SLC38A8: variants seen among roughly 807,000 people sequenced by gnomAD.
SLC38A8 encodes the protein amino acid transporter SLC38A8.
In SLC38A8, 65 loss-of-function variants were observed where a neutral mutation model predicts 46.0. The ratio of observed to expected loss-of-function variants is 1.41; its 90% confidence interval spans 1.16 to 1.74. The LOEUF is 1.74. SLC38A8 is among the 40% of genes most tolerant of loss of function. The probability of loss-of-function intolerance (pLI) is 0.00; values close to 1 mark genes in which losing one functional copy is unlikely to be tolerated. For missense variants in SLC38A8, 998 were observed against 567.9 expected (o/e 1.76, Z -7.70); for synonymous variants, 447 against 243.7 (o/e 1.83, Z -7.77).
rs764146926 is a variant in SLC38A8, at chr16:84,029,542, G to A, written c.642C>T (p.Ser214=). The A allele has an allele frequency of 2.5e-6, 4 of 1,614,166 alleles. No individual in the cohort carries two copies. Among genetic ancestry groups the A allele is most frequent in the Non-Finnish European group, 2.5e-6 (3 of 1,180,022 alleles). ...GGAAGACACTGAACACAGAGGTCCA[G>A]GAGGCAGGGCTGTAAACAGACAAGA... The part of the protein sequence containing the change: ...RESHPSLSPA[S]WTSVFSVFPT... Residue 214 remains serine (S), a synonymous_variant, in exon 6 of 11, where the codon TCC becomes TCT. Coordinates refer to ENST00000299709, the MANE Select transcript of SLC38A8 (RefSeq NM_001080442.3).
chr16:84,032,893 C>T (rs548410470), intron 4 of SLC38A8, among the ~76,000 whole-genome samples: 1 of 142,690 alleles, frequency 7.0e-6, no homozygotes, highest in East Asian at 2.3e-4. Context: ...GATGGGGGTG[C>T]ATGTGTGGGT....
intron 9 of SLC38A8, among the ~76,000 whole-genome samples, chr16:84,013,577 C>CCACCACGCCCCGCTCATTTTT (rs1567689306): frequency 6.6e-6 from 1 of 151,434 alleles, no homozygotes; most frequent in East Asian, 1.9e-4. Context: ...ACTACAGGTG[C>CCACCACGCCCCGCTCATTTTT]GTGCCACCAC....
At chr16:84,032,313 C>A (rs771952399) in intron 4 of SLC38A8, among the ~76,000 whole-genome samples, 2 of 152,156 alleles carry the variant, frequency 1.3e-5, no homozygotes, top group African/African-American at 2.4e-5. Flanking sequence ...CTCAGCCTCC[C>A]GAATAGCTGG....
At chr16:84,015,857 C>T (rs1453756739) in intron 9 of SLC38A8, among the ~76,000 whole-genome samples, 1 of 152,192 alleles carries the variant, frequency 6.6e-6, no homozygotes, top group Non-Finnish European at 1.5e-5. Flanking sequence ...AGGCATACAC[C>T]ACCATGGATG....
chr16:84,011,313 A>C (rs1465011874), intron 10 of SLC38A8, among the ~76,000 whole-genome samples: 1 of 152,206 alleles, frequency 6.6e-6, no homozygotes, highest in Non-Finnish European at 1.5e-5. Flanking sequence ...AAAAGCATGA[A>C]GACTCCGAAA....
At position 84,036,860 on chromosome 16, in the gene SLC38A8, C is replaced by T. The variant is rs778761900; in HGVS notation, c.230G>A (p.Gly77Asp). Residue 77 changes from glycine to aspartate, a missense_variant, in exon 3 of 11, where the codon GGC becomes GAC. Coordinates refer to ENST00000299709, the MANE Select transcript of SLC38A8 (RefSeq NM_001080442.3). ...VFLISGLVIL[G>D]YAAAVSGQAT... The stretch of plus-strand genomic sequence containing the variant: ...CTGGCCACTGACAGCAGCAGCATAG[C>T]CCAGGATGACCAGCCCGCTGATCAG... The T allele has an allele frequency of 6.8e-6, 11 of 1,613,312 alleles. No individual in the cohort carries two copies. The highest frequency in any genetic ancestry group is 1.8e-4 in the Middle Eastern group (1 of 5,644).
chr16:84,024,569 T>C (rs1380181812), intron 6 of SLC38A8, among the ~76,000 whole-genome samples: 2 of 151,728 alleles, frequency 1.3e-5, no homozygotes, highest in African/African-American at 2.4e-5. Flanking sequence ...TCACCTGAGG[T>C]CTGGAGTTCG....
At chr16:84,022,558 G>C (rs1028106187) in intron 7 of SLC38A8, among the ~76,000 whole-genome samples, 21 of 152,346 alleles carry the variant, frequency 1.4e-4, no homozygotes, top group African/African-American at 4.1e-4. Flanking sequence ...AGATCTAGCT[G>C]TGAAACCTCG....
rs1374864857 is a variant in SLC38A8 at position 84,016,558 on chromosome 16, T to C, written c.1123A>G (p.Ile375Val). Residue 375 changes from isoleucine to valine, a missense_variant, in exon 9 of 11, where the codon ATC becomes GTC. Coordinates refer to ENST00000299709, the MANE Select transcript of SLC38A8 (RefSeq NM_001080442.3). ...ATGAAGAAGGAACTGATGCCTCCGA[T>C]GATGCTGACGATCTCGCTGAGGTCA... The part of the protein sequence containing the change: ...MPDLSEIVSI[I>V]GGISSFFIFI... 1.9e-6 allele frequency: 3 copies of C among 1,613,994 alleles called. No homozygotes were observed. Among genetic ancestry groups the C allele is most frequent in the Non-Finnish European group, 1.7e-6 (2 of 1,180,024 alleles).
chr16:84,027,493 C>T (rs913093618), intron 6 of SLC38A8, among the ~76,000 whole-genome samples: 1 of 152,218 alleles, frequency 6.6e-6, no homozygotes, highest in Non-Finnish European at 1.5e-5. Flanking sequence ...CGGGGGTGCC[C>T]CATTGCCAAA....
chr16:84,021,366 G>C (rs538353166), intron 7 of SLC38A8, among the ~76,000 whole-genome samples: 2 of 152,194 alleles, frequency 1.3e-5, no homozygotes, highest in African/African-American at 4.8e-5. Context: ...CACCCGGCCA[G>C]TTCATCCCTT....
chr16:84,033,572 C>T (rs1236598536), intron 3 of SLC38A8, 103 bp from the exon 4 acceptor site: 7 of 1,338,640 alleles, frequency 5.2e-6, no homozygotes, highest in Non-Finnish European at 7.1e-6. Flanking sequence ...CATCCACCCT[C>T]AGCCAGCCCC....
chr16:84,025,696 G>C (rs930416848), intron 6 of SLC38A8, among the ~76,000 whole-genome samples: 2 of 152,200 alleles, frequency 1.3e-5, no homozygotes, highest in African/African-American at 4.8e-5. Flanking sequence ...CTCGGTGCAA[G>C]TGAGCCAAGC....
chr16:84,032,745 G>T (rs2085257247), intron 4 of SLC38A8, among the ~76,000 whole-genome samples: 1 of 152,202 alleles, frequency 6.6e-6, no homozygotes, highest in Non-Finnish European at 1.5e-5. Context: ...TACACAACAG[G>T]GAAAAGGCAG....
chr16:84,037,001 A>T, intron 2 of SLC38A8, 101 bp from the exon 3 acceptor site: 1 of 1,219,590 alleles, frequency 8.2e-7, no homozygotes, highest in East Asian at 2.6e-5. Context: ...CTTCTCATCC[A>T]CAGAGGCCAG....
intron 5 of SLC38A8, 55 bp downstream of exon 5, chr16:84,031,812 C>G (rs528777066): frequency 1.4e-6 from 2 of 1,470,440 alleles, no homozygotes; most frequent in Non-Finnish European, 1.9e-6. Flanking sequence ...CCCTCACAGA[C>G]TCCCCTGCCG....
At chr16:84,038,725 C>G (rs567216193) in intron 2 of SLC38A8, among the ~76,000 whole-genome samples, 1 of 152,346 alleles carries the variant, frequency 6.6e-6, no homozygotes, top group African/African-American at 2.4e-5. Flanking sequence ...CCACTTCTGT[C>G]TCCCTCCCAT....
intron 3 of SLC38A8, 134 bp downstream of exon 3, chr16:84,036,567 AC>A (rs2085301348): frequency 1.0e-6 from 1 of 981,622 alleles, no homozygotes; most frequent in Non-Finnish European, 1.5e-6. Context: ...CATGTTAGGA[AC>A]AAGAGTGTGG....
chr16:84,015,571 C>A (rs2085015338), intron 9 of SLC38A8, among the ~76,000 whole-genome samples: 1 of 834 alleles, frequency 1.2e-3, no homozygotes, highest in Admixed American at 0.021. Flanking sequence ...CTAGCTGTGC[C>A]CCCGGCGGGG....
Sources: allele counts gnomAD v4.1 joint callset (sites outside exome capture counted in the v4.1 genomes callset), GRCh38; gene constraint gnomAD v4.1.1; transcripts MANE v1.5; gene names NCBI Gene and HGNC (gene_info 2026-07-23, HGNC 2026-07-21).